Variants in C2orf49 observed in about 807,000 individuals in gnomAD.
C2orf49 encodes tRNA-splicing ligase complex subunit ASW.
C2orf49 carries 11 observed loss-of-function variants against 20.6 expected under a neutral mutation model. That is an observed-to-expected ratio of 0.53 (90% CI 0.34 to 0.88). The LOEUF (loss-of-function observed/expected upper bound fraction) is 0.88. Among genes scored for constraint, C2orf49 ranks in the 40% least tolerant of loss-of-function variants. The pLI, the probability that C2orf49 is intolerant of heterozygous loss-of-function variation, is 0.02. For synonymous variants in C2orf49, 134 were observed against 108.5 expected, an observed-to-expected ratio of 1.24 and a Z score of -1.46; for missense variants, 289 against 274.2, an observed-to-expected ratio of 1.05 and a Z score of -0.38.
At chr2:105,370,211 C>CCG in the C2orf49 span, among the ~76,000 whole-genome samples, 6 of 151,700 alleles carry the variant, frequency 4.0e-5, no homozygotes, top group Admixed American at 3.9e-4. Context: ...TGTCTCTACC[C>CCG]CCCCAAAAAA....
At chr2:105,379,048 G>A in the C2orf49 span, among the ~76,000 whole-genome samples, 10 of 152,140 alleles carry the variant, frequency 6.6e-5, no homozygotes, top group East Asian at 1.9e-4. Flanking sequence ...CCAGGAGCAC[G>A]TGATTAAATT....
downstream of C2orf49, among the ~76,000 whole-genome samples, chr2:105,352,687 G>A (rs1679966595): frequency 6.6e-6 from 1 of 151,888 alleles, no homozygotes; most frequent in African/African-American, 2.4e-5. Context: ...CTTGTGATCT[G>A]CCCGTCTCGG....
chr2:105,354,223 A>C, the C2orf49 span, among the ~76,000 whole-genome samples: 2 of 152,248 alleles, frequency 1.3e-5, no homozygotes, highest in African/African-American at 4.8e-5. Flanking sequence ...GGCACATTGC[A>C]CCACAGCAGA....
intron 3 of C2orf49, among the ~76,000 whole-genome samples, chr2:105,344,666 G>A (rs748758018): frequency 1.1e-4 from 16 of 151,870 alleles, no homozygotes; most frequent in Non-Finnish European, 1.8e-4. Context: ...TACAACCTCC[G>A]CCTCCCAGGT....
chr2:105,366,420 A>C, the C2orf49 span, among the ~76,000 whole-genome samples: 3 of 152,226 alleles, frequency 2.0e-5, no homozygotes, highest in Non-Finnish European at 4.4e-5. Flanking sequence ...AGCAGAGTCA[A>C]TAACAGGAGG....
rs765632108 is a variant in C2orf49 at position 105,339,740 on chromosome 2, A to G, written c.257A>G (p.Glu86Gly). Residue 86 changes from glutamate (E) to glycine (G), a missense_variant, in exon 2 of 4, where the codon GAG becomes GGG. Physicochemically the swap from Glu to Gly is moderately conservative, Grantham distance 98 (BLOSUM62 -2). Transcript: ENST00000258457. ...AGAGAACAACATGAGATTAAAAATG[A>G]GACTAAAAGGTACTTTTTGGTGGTT... ...KKREQHEIKN[E>G]TKRSSTVDGL... The G allele has an allele frequency of 2.2e-5, 35 of 1,591,338 alleles. No homozygotes were observed. Among genetic ancestry groups the G allele is most frequent in the Non-Finnish European group, 2.9e-5 (34 of 1,174,488 alleles).
At chr2:105,356,658 T>C in the C2orf49 span, among the ~76,000 whole-genome samples, 3 of 152,194 alleles carry the variant, frequency 2.0e-5, no homozygotes, top group African/African-American at 7.2e-5. Context: ...TACAGAATAT[T>C]CCAACATCTC....
At chr2:105,350,902 C>T (rs920011715), downstream of C2orf49, among the ~76,000 whole-genome samples, 1 of 151,912 alleles carries the variant, frequency 6.6e-6, no homozygotes, top group South Asian at 2.1e-4. Context: ...TAATTTTTTT[C>T]GATTTTCTGA....
the C2orf49 span, among the ~76,000 whole-genome samples, chr2:105,354,883 A>G: frequency 6.6e-6 from 1 of 152,234 alleles, no homozygotes; most frequent in South Asian, 2.1e-4. Context: ...TTCATTTGCT[A>G]AACAGAGAAA....
chr2:105,355,534 G>T, the C2orf49 span, among the ~76,000 whole-genome samples: 1 of 150,240 alleles, frequency 6.7e-6, no homozygotes, highest in Non-Finnish European at 1.5e-5. Context: ...GAAACATCAG[G>T]CAGTAGAGAC....
downstream of C2orf49, among the ~76,000 whole-genome samples, chr2:105,351,317 C>G (rs967616508): frequency 6.0e-5 from 7 of 117,260 alleles, no homozygotes; most frequent in African/African-American, 1.1e-4. Context: ...CACCGCGCCC[C>G]CCCCCCCCCA....
At chr2:105,371,448 A>G in the C2orf49 span, among the ~76,000 whole-genome samples, 9 of 151,696 alleles carry the variant, frequency 5.9e-5, no homozygotes, top group African/African-American at 2.2e-4. Context: ...CCCATTTGGA[A>G]CTGCAGTATC....
chr2:105,343,653 A>G (rs893332054), intron 3 of C2orf49, among the ~76,000 whole-genome samples: 6 of 152,168 alleles, frequency 3.9e-5, no homozygotes, highest in African/African-American at 1.4e-4. Context: ...CCTTAAAACC[A>G]CACCAGACAC....
rs1248055403 is a variant in C2orf49 at position 105,348,074 on chromosome 2, C to T, written c.*2703C>T. 1 of 152,060 alleles carries T rather than the reference C, an allele frequency of 6.6e-6. No individual in the cohort carries two copies. The highest frequency in any genetic ancestry group is 2.4e-5 in the African/African-American group (1 of 41,384). The allele number at this position is 152,060 out of a possible 1,614,324, so 9.4% of individuals were successfully genotyped here. ...ATTTTCTTTCTCTACTTTAATTCTC[C>T]TTCCTCCTTACTGTAGATCCCAAGC... On this transcript the variant is annotated 3_prime_UTR_variant, in exon 4 of 4. Transcript: ENST00000258457.
chr2:105,345,703 C>T lies in C2orf49; in HGVS notation c.*332C>T, dbSNP rs569808341. 4.1e-6 allele frequency: 1 copy of T among 241,588 alleles called. No individual in the cohort carries two copies. The highest frequency in any genetic ancestry group is 5.6e-5 in the South Asian group (1 of 17,738). The allele number at this position is 241,588 out of a possible 1,614,324, so 15.0% of individuals were successfully genotyped here. On this transcript the variant is annotated 3_prime_UTR_variant, in exon 4 of 4. Coordinates refer to ENST00000258457, the MANE Select transcript of C2orf49 (RefSeq NM_024093.3). ...ATTGGCCAGGCGCAGTGGCTCACGC[C>T]TATAATCCCAGCACTTTGAGAGACT...
chr2:105,339,146 T>C (rs1430709507), intron 1 of C2orf49, among the ~76,000 whole-genome samples: 1 of 152,242 alleles, frequency 6.6e-6, no homozygotes, highest in Non-Finnish European at 1.5e-5. Context: ...ACGAGAAATA[T>C]AAGACAGACT....
intron 2 of C2orf49, 52 bp from the exon 3 acceptor site, chr2:105,342,795 CT>C: frequency 6.5e-7 from 1 of 1,534,180 alleles, no homozygotes; most frequent in Non-Finnish European, 8.8e-7. Flanking sequence ...TCCCAGTGAA[CT>C]GGTTTGCCGT....
chr2:105,383,586 A>G, the C2orf49 span, among the ~76,000 whole-genome samples: 1 of 152,198 alleles, frequency 6.6e-6, no homozygotes, highest in Non-Finnish European at 1.5e-5. Context: ...ACTCACACAC[A>G]TGAACATGTC....
the C2orf49 span, among the ~76,000 whole-genome samples, chr2:105,372,031 C>A: frequency 6.6e-6 from 1 of 152,170 alleles, no homozygotes. Flanking sequence ...TGCAGCCCTT[C>A]CAGCTGTTTT....
Sources: gnomAD v4.1 joint callset for allele counts (sites outside exome capture counted in the v4.1 genomes callset) on GRCh38, gnomAD v4.1.1 for gene constraint, MANE v1.5 for transcripts, NCBI Gene and HGNC (gene_info 2026-07-23, HGNC 2026-07-21) for gene names.